RCOR3: variants seen among roughly 807,000 people sequenced by gnomAD.
RCOR3 encodes the protein REST corepressor 3.
RCOR3 carries 13 observed loss-of-function variants against 64.1 expected under a neutral mutation model. The ratio of observed to expected loss-of-function variants is 0.20; its 90% CI spans 0.13 to 0.32. The LOEUF (loss-of-function observed/expected upper bound fraction) is 0.32. Among genes scored for constraint, RCOR3 ranks in the 10% least tolerant of loss-of-function variants. RCOR3 has a pLI of 1.00. For synonymous variants in RCOR3, 215 were observed against 239.0 expected (o/e 0.90, Z 0.93); for missense variants, 489 against 701.2 (o/e 0.70, Z 3.42).
At chr1:211,271,167 G>C in intron 2 of RCOR3, 65 bp from the exon 3 acceptor site, 1 of 1,479,256 alleles carries the variant, frequency 6.8e-7, no homozygotes, top group Non-Finnish European at 9.4e-7. Context: ...AGCTTACTTT[G>C]TTTCTACTTA....
chr1:211,298,778 G>T (rs192709765), intron 9 of RCOR3, among the ~76,000 whole-genome samples: 1 of 151,760 alleles, frequency 6.6e-6, no homozygotes, highest in African/African-American at 2.4e-5. Context: ...AGGCCGAGGC[G>T]GGCGGATCAC....
chr1:211,267,470 A>T (rs917312746), intron 2 of RCOR3, among the ~76,000 whole-genome samples: 3 of 152,228 alleles, frequency 2.0e-5, no homozygotes, highest in Non-Finnish European at 2.9e-5. Context: ...GGATTGCTCT[A>T]TGTATGCTGC....
chr1:211,280,488 A>G (rs948927433), intron 7 of RCOR3, among the ~76,000 whole-genome samples: 2 of 152,244 alleles, frequency 1.3e-5, no homozygotes, highest in Non-Finnish European at 2.9e-5. Flanking sequence ...TCAATAAATC[A>G]TTGTTGAATG....
At chr1:211,290,179 C>A (rs188436567) in intron 8 of RCOR3, among the ~76,000 whole-genome samples, 2 of 152,204 alleles carry the variant, frequency 1.3e-5, no homozygotes. Context: ...TCTGTACTTT[C>A]TTGGTCTATA....
chr1:211,279,281 A>G lies in RCOR3; in HGVS notation c.685A>G (p.Ser229Gly), dbSNP rs1385869586. ...EETHPMDGND[S>G]DYDPKKEAKK... ...AACACATCCAATGGATGGGAATGAT[A>G]GTGATTATGATCCCAAAAAAGAAGC... The change falls in exon 7 of 12, where the codon AGT (serine) becomes GGT (glycine). Residue 229 changes from serine (S) to glycine (G), a missense_variant. Around this residue, in one of 2 missense-constraint regions of RCOR3, gnomAD observed 402 missense variants for 617.0 expected, o/e 0.65. Transcript: ENST00000419091. 2 of 1,612,864 alleles carry G rather than the reference A, an allele frequency of 1.2e-6. No individual in the cohort carries two copies. The highest frequency in any genetic ancestry group is 8.5e-7 in the Non-Finnish European group (1 of 1,179,260).
intron 2 of RCOR3, among the ~76,000 whole-genome samples, chr1:211,270,704 A>C (rs533386035): frequency 6.6e-6 from 1 of 152,312 alleles, no homozygotes; most frequent in South Asian, 2.1e-4. Flanking sequence ...TTAGTTTAAA[A>C]GGGATAAACC....
intron 7 of RCOR3, among the ~76,000 whole-genome samples, chr1:211,281,187 T>G (rs1245068282): frequency 6.6e-6 from 1 of 152,126 alleles, no homozygotes; most frequent in Non-Finnish European, 1.5e-5. Flanking sequence ...TGTATCAAAT[T>G]ACTGACTGCT....
At chr1:211,267,590 A>G (rs1393333257) in intron 2 of RCOR3, among the ~76,000 whole-genome samples, 3 of 151,986 alleles carry the variant, frequency 2.0e-5, no homozygotes, top group Non-Finnish European at 4.4e-5. Context: ...ATGTTTTTGA[A>G]ACTTATTTAT....
At chr1:211,268,440 T>C (rs1484401623) in intron 2 of RCOR3, among the ~76,000 whole-genome samples, 1 of 144,970 alleles carries the variant, frequency 6.9e-6, no homozygotes, top group Non-Finnish European at 1.5e-5. Context: ...AGTGCAATGG[T>C]GTGATCTCGG....
chr1:211,262,818 A>C (rs1334310653), intron 2 of RCOR3, among the ~76,000 whole-genome samples: 2 of 97,326 alleles, frequency 2.1e-5, no homozygotes, highest in African/African-American at 1.1e-4. Flanking sequence ...TTGCATGGCC[A>C]CTGGTTTTTT....
At chr1:211,286,670 T>TA (rs2102555780) in intron 7 of RCOR3, among the ~76,000 whole-genome samples, 1 of 152,306 alleles carries the variant, frequency 6.6e-6, no homozygotes, top group East Asian at 1.9e-4. Context: ...ATATTTAACT[T>TA]AAAATCTAAT....
Position 211,259,725 on chromosome 1 carries a change from C to T in RCOR3, c.165C>T (p.His55=). 1.3e-6 allele frequency: 2 copies of T among 1,500,434 alleles called. No homozygotes were observed. Among genetic ancestry groups the T allele is most frequent in the Non-Finnish European group, 1.8e-6 (2 of 1,124,196 alleles). The allele number at this position is 1,500,434 out of a possible 1,614,324, so 92.9% of individuals were successfully genotyped here. The change falls in exon 1 of 12, where the codon CAC becomes CAT. Residue 55 remains histidine (H), a splice_region_variant and synonymous_variant. Transcript: ENST00000419091. ...GCGGCTGCAGCAGCGACGACGAGCA[C>T]GGTGGTAGCCTCGAACTCCTCCCCG... ...PESGCSSDDE[H]DVGMRVGAEY... is the part of the protein sequence containing the mutation.
chr1:211,285,045 G>A (rs892668097), intron 7 of RCOR3, among the ~76,000 whole-genome samples: 2 of 152,118 alleles, frequency 1.3e-5, no homozygotes, highest in African/African-American at 4.8e-5. Flanking sequence ...TTCTTAAGGA[G>A]TGTGTACCTT....
chr1:211,276,150 A>T, intron 4 of RCOR3, 107 bp from the exon 5 acceptor site: 1 of 1,037,226 alleles, frequency 9.6e-7, no homozygotes, highest in Non-Finnish European at 1.4e-6. Context: ...GTCTATCTTC[A>T]GTCGAAGTCA....
intron 2 of RCOR3, among the ~76,000 whole-genome samples, chr1:211,271,019 A>G (rs1696104182): frequency 6.6e-6 from 1 of 151,990 alleles, no homozygotes; most frequent in South Asian, 2.1e-4. Context: ...CAGCCTGGCT[A>G]ATTTTGTTTT....
intron 9 of RCOR3, among the ~76,000 whole-genome samples, chr1:211,298,963 C>T (rs539339352): frequency 9.9e-5 from 15 of 151,430 alleles, no homozygotes; most frequent in South Asian, 2.1e-4. Flanking sequence ...GCTGAGATCG[C>T]GCCACTGCAC....
chr1:211,294,312 T>C (rs2358215), intron 8 of RCOR3, among the ~76,000 whole-genome samples: 146,521 of 152,232 alleles, frequency 0.96, 70,534 homozygotes, highest in East Asian at 1. Context: ...ACCACTTGCA[T>C]AATAATTCAC....
At chr1:211,273,992 C>T (rs564014939) in intron 3 of RCOR3, among the ~76,000 whole-genome samples, 2 of 151,938 alleles carry the variant, frequency 1.3e-5, no homozygotes, top group Non-Finnish European at 2.9e-5. Context: ...AATGTGTAGT[C>T]GTAGAGATAA....
At chr1:211,297,799 A>T (rs1156995411) in intron 9 of RCOR3, among the ~76,000 whole-genome samples, 1 of 152,166 alleles carries the variant, frequency 6.6e-6, no homozygotes, top group Non-Finnish European at 1.5e-5. Context: ...ACTTGAATAG[A>T]TGTGTTTCAG....
Sources: gnomAD v4.1 joint callset for allele counts (sites outside exome capture counted in the v4.1 genomes callset) on GRCh38, gnomAD v4.1.1 for gene constraint, gnomAD v4.1.1 regional missense constraint, MANE v1.5 for transcripts, NCBI Gene and HGNC (gene_info 2026-07-23, HGNC 2026-07-21) for gene names.